Variants in PWWP2B observed in about 807,000 individuals in gnomAD.
PWWP2B encodes PWWP domain containing 2B.
PWWP2B carries 9 observed loss-of-function variants against 15.5 expected under a neutral mutation model. That is an observed-to-expected ratio of 0.58 (90% CI 0.35 to 1.02). The LOEUF is 1.02. Among genes scored for constraint, PWWP2B ranks in the 50% least tolerant of loss-of-function variants. The pLI is 0.02. For missense variants in PWWP2B, 864 were observed against 865.3 expected (o/e 1.00, Z 0.02); for synonymous variants, 474 against 403.6 (o/e 1.17, Z -2.09).
rs2069689760 is a variant in PWWP2B, at chr10:132,405,811, A to C, written c.1311A>C (p.Glu437Asp). 1 of 1,608,314 alleles carries C rather than the reference A, an allele frequency of 6.2e-7. No homozygotes were observed. Among genetic ancestry groups the C allele is most frequent in the Admixed American group, 1.7e-5 (1 of 59,976 alleles). The change falls in exon 2 of 3, where the codon GAA (glutamate) becomes GAC (aspartate). Residue 437 changes from glutamate (E) to aspartate (D), a missense_variant. Physicochemically the swap from Glu to Asp is conservative, Grantham distance 45. Around this residue, in one of 2 missense-constraint regions of PWWP2B, gnomAD observed 736 missense variants for 687.7 expected, o/e 1.07. Transcript: ENST00000305233. ...ACGAGGCCAGATCGTCCGGCTCGGAAGGGACGCCGGCAGACACGGGTGACC... is the reference window on the plus strand; with the variant it reads ...ACGAGGCCAGATCGTCCGGCTCGGACGGGACGCCGGCAGACACGGGTGACC... ...SLDEARSSGSEGTPADTGDLS... is the reference protein window; with the variant it reads ...SLDEARSSGSDGTPADTGDLS...
At chr10:132,414,727 C>G (rs1398206995) in intron 2 of PWWP2B, among the ~76,000 whole-genome samples, 4 of 152,244 alleles carry the variant, frequency 2.6e-5, no homozygotes, top group Non-Finnish European at 5.9e-5. Flanking sequence ...GTGACCGGCT[C>G]TAATCCTCGC....
intron 1 of PWWP2B, among the ~76,000 whole-genome samples, chr10:132,403,714 GAGA>G (rs1483896239): frequency 1.3e-5 from 2 of 152,252 alleles, no homozygotes; most frequent in African/African-American, 4.8e-5. Context: ...GTCCCAGGAT[GAGA>G]AGGCCTTTAC....
chr10:132,408,085 G>C (rs995715840), intron 2 of PWWP2B, among the ~76,000 whole-genome samples: 9 of 152,246 alleles, frequency 5.9e-5, no homozygotes, highest in African/African-American at 1.4e-4. Flanking sequence ...CACCAGACGG[G>C]TTTGCCTGCC....
chr10:132,410,730 C>A (rs1292804670), intron 2 of PWWP2B, among the ~76,000 whole-genome samples: 1 of 152,198 alleles, frequency 6.6e-6, no homozygotes, highest in Non-Finnish European at 1.5e-5. Context: ...ACCTCCTGTG[C>A]TTCCCTGTCG....
chr10:132,415,641 C>CATG (rs2069841327), intron 2 of PWWP2B, among the ~76,000 whole-genome samples: 2 of 107,480 alleles, frequency 1.9e-5, no homozygotes, highest in Non-Finnish European at 3.6e-5. Flanking sequence ...ACTCACACAC[C>CATG]CACTCACACA....
intron 1 of PWWP2B, among the ~76,000 whole-genome samples, chr10:132,402,334 G>C (rs907586039): frequency 1.3e-5 from 2 of 152,252 alleles, no homozygotes; most frequent in African/African-American, 2.4e-5. Flanking sequence ...CGTAGCCACC[G>C]TCCTCTGGCA....
In PWWP2B at chr10:132,416,501, G is replaced by C. The variant is rs535852084; in HGVS notation, c.*17-560G>C. Among the ~76,000 whole-genome samples, 19 of 152,200 alleles carry C rather than the reference G, an allele frequency of 1.2e-4. No homozygotes were observed. In the South Asian group the frequency reaches 1.7e-3, roughly 13 times the overall value. On this transcript the variant is annotated intron_variant, in intron 2 of 2. Transcript: ENST00000305233. ...ATCCGGGGCCTGCGTGGGCTCAGGT[G>C]GGGGGCGATGGAAGCAGGGCTGACA...
At chr10:132,414,187 G>A (rs1469550328) in intron 2 of PWWP2B, among the ~76,000 whole-genome samples, 3 of 152,218 alleles carry the variant, frequency 2.0e-5, no homozygotes, top group African/African-American at 4.8e-5. Context: ...GCTGCTGTTC[G>A]GGACGAAGGG....
intron 2 of PWWP2B, among the ~76,000 whole-genome samples, chr10:132,415,275 CATCCACTCTCACACACAT>C (rs1250266761): frequency 1.3e-5 from 2 of 150,584 alleles, no homozygotes; most frequent in Non-Finnish European, 3.0e-5. Flanking sequence ...CACACATTCA[CATCCACTCTCACACACAT>C]ATCCACTCAC....
chr10:132,399,217 C>A (rs1164411852), intron 1 of PWWP2B, among the ~76,000 whole-genome samples: 1 of 152,252 alleles, frequency 6.6e-6, no homozygotes, highest in Non-Finnish European at 1.5e-5. Context: ...TTATCCCCTG[C>A]ATGTGACAGT....
intron 1 of PWWP2B, among the ~76,000 whole-genome samples, chr10:132,398,629 C>T (rs2069569689): frequency 6.6e-6 from 1 of 152,262 alleles, no homozygotes; most frequent in Non-Finnish European, 1.5e-5. Context: ...AGAATATCTG[C>T]AGTGGCCTCG....
chr10:132,397,275 G>C lies in PWWP2B; in HGVS notation c.49G>C (p.Val17Leu). ...GCTGCCGGTGCGGGTGGAGCAGGTC[G>C]TCAACGGCGCGCTGGTGGTCACGGT... ...CRLPVRVEQV[V>L]NGALVVTVSC... Residue 17 changes from valine (V) to leucine (L), a missense_variant, in exon 1 of 3, where the codon GTC becomes CTC. By Grantham distance (32) the Val-to-Leu change is conservative. Around this residue, in one of 2 missense-constraint regions of PWWP2B, gnomAD observed 736 missense variants for 687.7 expected, o/e 1.07. Transcript: ENST00000305233. 1 of 1,399,746 alleles carries C rather than the reference G, an allele frequency of 7.1e-7. No individual in the cohort carries two copies. The highest frequency in any genetic ancestry group is 9.4e-7 in the Non-Finnish European group (1 of 1,066,214). 86.7% of individuals were successfully genotyped at this position (1,399,746 alleles called of 1,614,324 possible).
Position 132,417,690 on chromosome 10 carries a change from G to C in PWWP2B, c.*646G>C, listed in dbSNP as rs1402137644. The C allele has an allele frequency of 1.3e-5, 2 of 153,888 alleles. No homozygotes were observed. The highest frequency in any genetic ancestry group is 4.8e-5 in the African/African-American group (2 of 41,478). The allele number at this position is 153,888 out of a possible 1,614,324, so 9.5% of individuals were successfully genotyped here. ...GGCACCTGGCACCTGGCCTGCAGATGCTGCTACGAGTGACCAGTGCTGTGT... is the reference window on the plus strand; with the variant it reads ...GGCACCTGGCACCTGGCCTGCAGATCCTGCTACGAGTGACCAGTGCTGTGT... On this transcript the variant is annotated 3_prime_UTR_variant, in exon 3 of 3. Coordinates refer to ENST00000305233, the MANE Select transcript of PWWP2B (RefSeq NM_138499.4).
At chr10:132,415,152 C>G (rs1234746301) in intron 2 of PWWP2B, among the ~76,000 whole-genome samples, 5 of 152,108 alleles carry the variant, frequency 3.3e-5, no homozygotes, top group Non-Finnish European at 7.4e-5. Flanking sequence ...AGGGCTTTTT[C>G]TATGGAAGAT....
At chr10:132,398,476 G>A (rs913669921) in intron 1 of PWWP2B, among the ~76,000 whole-genome samples, 2 of 152,224 alleles carry the variant, frequency 1.3e-5, no homozygotes, top group South Asian at 2.1e-4. Flanking sequence ...TGGCGGGCAG[G>A]GTTGGGCTTG....
chr10:132,408,301 T>C lies in PWWP2B; in HGVS notation c.*16+2012T>C, dbSNP rs373601303. 2.0e-4 allele frequency among the ~76,000 whole-genome samples: 31 copies of C among 152,362 alleles called. No homozygotes were observed. The South Asian group carries it at 2.3e-3, about 11-fold the overall frequency. ...GTGGGGCCTGGGATCTCCCGCCCTC[T>C]GTGGGGTTGGTGGTCCTTGAGGGAC... On this transcript the variant is annotated intron_variant, in intron 2 of 2. Coordinates refer to ENST00000305233, the MANE Select transcript of PWWP2B (RefSeq NM_138499.4).
Position 132,405,264 on chromosome 10 carries a change from TCTC to T in PWWP2B, c.767_769del (p.Ser256del), listed in dbSNP as rs1218069880. On this transcript the variant is annotated inframe_deletion, in exon 2 of 3. Coordinates refer to ENST00000305233, the MANE Select transcript of PWWP2B (RefSeq NM_138499.4). ...GTCCCGCGGAGCCCGGTCATCAAGATCTCCTACAGCACGCCCCAGGGCAAGGGA... is the reference window on the plus strand; with the variant it reads ...GTCCCGCGGAGCCCGGTCATCAAGATCTACAGCACGCCCCAGGGCAAGGGA... 6.2e-7 allele frequency: 1 copy of T among 1,611,244 alleles called. No homozygotes were observed. Among genetic ancestry groups the T allele is most frequent in the Non-Finnish European group, 8.5e-7 (1 of 1,179,442 alleles).
Position 132,404,717 on chromosome 10 carries a change from G to A in PWWP2B, c.217G>A (p.Gly73Arg). The change falls in exon 2 of 3, where the codon GGG (glycine) becomes AGG (arginine). Residue 73 changes from glycine (G) to arginine (R), a missense_variant. Physicochemically the swap from Gly to Arg is moderately radical, Grantham distance 125. Around this residue, in one of 2 missense-constraint regions of PWWP2B, gnomAD observed 736 missense variants for 687.7 expected, o/e 1.07. Transcript: ENST00000305233. ...NDSHGRAPEE[G>R]DAEVMQLGSS... ...CAGCCATGGCCGGGCTCCCGAGGAG[G>A]GGGATGCAGAGGTGATGCAGCTGGG... is the stretch of plus-strand genomic sequence containing the variant. 7.4e-6 allele frequency: 12 copies of A among 1,611,748 alleles called. No individual in the cohort carries two copies. Among genetic ancestry groups the A allele is most frequent in the Non-Finnish European group, 1.0e-5 (12 of 1,179,638 alleles).
chr10:132,408,000 G>A (rs946651049), intron 2 of PWWP2B, among the ~76,000 whole-genome samples: 3 of 152,244 alleles, frequency 2.0e-5, no homozygotes, highest in East Asian at 1.9e-4. Context: ...GTGCCCAGCC[G>A]GGAGGGAGGA....
Sources: allele counts gnomAD v4.1 joint callset (sites outside exome capture counted in the v4.1 genomes callset), GRCh38; gene constraint gnomAD v4.1.1; regional missense constraint gnomAD v4.1.1; transcripts MANE v1.5; gene names NCBI Gene and HGNC (gene_info 2026-07-23, HGNC 2026-07-21).